TM6SF1: variants seen among roughly 807,000 people sequenced by gnomAD.
TM6SF1 encodes transmembrane 6 superfamily member 1.
In TM6SF1, 43 loss-of-function variants were observed where a neutral mutation model predicts 47.1. The observed-to-expected ratio is 0.91, with a 90% CI of 0.72 to 1.18. The LOEUF (loss-of-function observed/expected upper bound fraction) is 1.18. Ranked by LOEUF, TM6SF1 falls within the 50% of genes most tolerant of loss-of-function variation. The pLI is 0.00. For missense variants in TM6SF1, 390 were observed against 449.0 expected, an observed-to-expected ratio of 0.87 and a Z score of 1.19; for synonymous variants, 177 against 166.3, an observed-to-expected ratio of 1.06 and a Z score of -0.49.
intron 2 of TM6SF1, 124 bp from the exon 3 acceptor site, chr15:83,115,721 G>A (rs747924805): frequency 2.0e-5 from 15 of 754,000 alleles, no homozygotes; most frequent in African/African-American, 3.4e-5. Flanking sequence ...AGTCTATCTC[G>A]ATAATTGTCC....
At chr15:83,118,800 G>A (rs1291242739) in intron 3 of TM6SF1, among the ~76,000 whole-genome samples, 2 of 152,150 alleles carry the variant, frequency 1.3e-5, no homozygotes, top group African/African-American at 2.4e-5. Context: ...AAAAATGCAC[G>A]GAAAATTGAT....
At chr15:83,125,498 T>C (rs918803523) in intron 7 of TM6SF1, among the ~76,000 whole-genome samples, 1 of 152,196 alleles carries the variant, frequency 6.6e-6, no homozygotes, top group Non-Finnish European at 1.5e-5. Flanking sequence ...CTTAACAGTA[T>C]TGTTTTGGAG....
chr15:83,107,689 C>T lies in TM6SF1; in HGVS notation c.9C>T (p.Ala3=), dbSNP rs142670132. MS[A]SAATGVFVLS... ...GCGGCGCGGCGGCTGCGATGAGTGC[C>T]TCTGCGGCCACCGGGGTCTTCGTGC... Residue 3 remains alanine, a synonymous_variant, in exon 1 of 10, where the codon GCC becomes GCT. Transcript: ENST00000322019. This position sits in a 1 kb window ranked among gnomAD's most constrained non-coding sequence, Gnocchi z 5.6. The T allele has an allele frequency of 1.9e-6, 3 of 1,560,300 alleles. No individual in the cohort carries two copies. The highest frequency in any genetic ancestry group is 2.6e-6 in the Non-Finnish European group (3 of 1,155,620).
At chr15:83,129,110 G>A (rs1379452572) in intron 9 of TM6SF1, 1 of 152,194 alleles carries the variant, frequency 6.6e-6, no homozygotes, top group Non-Finnish European at 1.5e-5. Context: ...GATTACAGGT[G>A]TGAGCCACCA....
rs1193394938 is a variant in TM6SF1, at chr15:83,136,677, A to G, written c.*5A>G. On this transcript the variant is annotated 3_prime_UTR_variant, in exon 10 of 10. Coordinates refer to ENST00000322019, the MANE Select transcript of TM6SF1 (RefSeq NM_023003.5). ...GCAGAAGAAAAAGTGGAATAAAAATATTACTTCATGTTCCTCCTTTCTAAA... is the reference window on the plus strand; with the variant it reads ...GCAGAAGAAAAAGTGGAATAAAAATGTTACTTCATGTTCCTCCTTTCTAAA... 6.3e-7 allele frequency: 1 copy of G among 1,589,468 alleles called. No homozygotes were observed. The highest frequency in any genetic ancestry group is 8.5e-7 in the Non-Finnish European group (1 of 1,172,020).
Position 83,126,798 on chromosome 15 carries a change from A to G in TM6SF1, c.752A>G (p.Gln251Arg), listed in dbSNP as rs751648528. 12 of 1,614,074 alleles carry G rather than the reference A, an allele frequency of 7.4e-6. No individual in the cohort carries two copies. The highest frequency in any genetic ancestry group is 1.0e-5 in the Non-Finnish European group (12 of 1,179,990). Residue 251 changes from glutamine to arginine, a missense_variant, in exon 8 of 10, where the codon CAA becomes CGA. By Grantham distance (43) the Gln-to-Arg change is conservative. Transcript: ENST00000322019. ...CPSELCRLYT[Q>R]FQEPYLKDPA... The stretch of plus-strand genomic sequence containing the variant: ...TCTGAGCTCTGCCGATTATATACGC[A>G]ATTTCAAGAGCCCTATCTAAAGGAT...
At chr15:83,109,280 A>C (rs1478785347) in intron 1 of TM6SF1, among the ~76,000 whole-genome samples, 1 of 151,996 alleles carries the variant, frequency 6.6e-6, no homozygotes, top group Admixed American at 6.6e-5. Context: ...AGTGCAGGGG[A>C]AGGAATTGGA....
At chr15:83,124,138 G>C (rs2035515835) in intron 6 of TM6SF1, among the ~76,000 whole-genome samples, 1 of 152,156 alleles carries the variant, frequency 6.6e-6, no homozygotes, top group Admixed American at 6.6e-5. Flanking sequence ...TTCAGTTTGA[G>C]AAAATTTTTA....
chr15:83,109,275 A>C (rs1012171888), intron 1 of TM6SF1, among the ~76,000 whole-genome samples: 3 of 152,170 alleles, frequency 2.0e-5, no homozygotes, highest in African/African-American at 7.2e-5. Flanking sequence ...GGAGCAGTGC[A>C]GGGGAAGGAA....
At position 83,115,844 on chromosome 15, in the gene TM6SF1, G is replaced by A. The variant is rs1314668970; in HGVS notation, c.197-1G>A. 5 of 1,611,104 alleles carry A rather than the reference G, an allele frequency of 3.1e-6. No homozygotes were observed. The African/African-American group carries it at 6.7e-5, about 22-fold the overall frequency. ...TTAAACTGCTGCTTTCTTTGCTCTA[G>A]TGTATGCAGTTTTTGGATTTACCAG... is the stretch of plus-strand genomic sequence containing the variant. On this transcript the variant is annotated splice_acceptor_variant, in intron 2 of 9. Transcript: ENST00000322019. LOFTEE classifies it high-confidence loss of function.
chr15:83,115,381 G>A (rs1041937338), intron 2 of TM6SF1: 3 of 305,636 alleles, frequency 9.8e-6, no homozygotes, highest in Admixed American at 9.0e-5. Context: ...GCCTCCCAAA[G>A]TGCTGGGATT....
At chr15:83,127,603 T>C (rs1228408088) in intron 9 of TM6SF1, 126 bp downstream of exon 9, 22 of 1,049,068 alleles carry the variant, frequency 2.1e-5, no homozygotes, top group Non-Finnish European at 2.7e-5. Context: ...ACCTTTTGTT[T>C]TGCAGTTCTT....
intron 3 of TM6SF1, among the ~76,000 whole-genome samples, 174 bp from the exon 4 acceptor site, chr15:83,119,404 C>A (rs970847258): frequency 1.4e-4 from 21 of 152,236 alleles, no homozygotes; most frequent in African/African-American, 5.1e-4. Flanking sequence ...CTGGTTTTGG[C>A]AGCTCCAGCG....
intron 9 of TM6SF1, chr15:83,130,031 C>A (rs577786729): frequency 1.4e-4 from 21 of 152,424 alleles, no homozygotes; most frequent in African/African-American, 5.1e-4. Context: ...TTTGCCTGCA[C>A]AATCAGGCCT....
chr15:83,126,641 G>A (rs773028129), intron 7 of TM6SF1, 114 bp from the exon 8 acceptor site: 204 of 813,020 alleles, frequency 2.5e-4, no homozygotes, highest in Non-Finnish European at 3.4e-4. Context: ...CAATGCATAC[G>A]TTTTGTTAAA....
At chr15:83,133,933 T>C (rs2151386471) in intron 9 of TM6SF1, 1 of 152,380 alleles carries the variant, frequency 6.6e-6, no homozygotes, top group East Asian at 1.9e-4. Context: ...CTATGAGCAG[T>C]ACTGGGAGCT....
intron 1 of TM6SF1, among the ~76,000 whole-genome samples, chr15:83,108,623 T>C (rs62010205): frequency 0.088 from 13,380 of 152,254 alleles, 720 homozygotes; most frequent in Non-Finnish European, 0.13. Context: ...TCGCCGGGTG[T>C]TGGGACAGGC....
intron 5 of TM6SF1, among the ~76,000 whole-genome samples, chr15:83,122,399 A>G (rs777745937): frequency 1.3e-4 from 20 of 150,598 alleles, no homozygotes; most frequent in Middle Eastern, 3.5e-3. Flanking sequence ...ATATAGGTAG[A>G]TAGATAGATA....
chr15:83,131,285 A>G (rs369356066), intron 9 of TM6SF1: 9 of 151,240 alleles, frequency 6.0e-5, no homozygotes, highest in East Asian at 1.9e-4. Flanking sequence ...TTAGTAAGGG[A>G]AAAAAAAACC....
Sources: gnomAD v4.1 joint callset for allele counts (sites outside exome capture counted in the v4.1 genomes callset) on GRCh38, gnomAD v4.1.1 for gene constraint, Gnocchi (gnomAD v3.1) non-coding constraint, MANE v1.5 for transcripts, NCBI Gene and HGNC (gene_info 2026-07-23, HGNC 2026-07-21) for gene names.